Variants in GABRB1 observed in about 807,000 individuals in gnomAD.
GABRB1 encodes the protein gamma-aminobutyric acid type A receptor subunit beta1, also known as gamma-aminobutyric acid receptor subunit beta-1.
Under a neutral mutation model 51.6 loss-of-function variants are expected in GABRB1, and 17 were observed. That is an observed-to-expected ratio of 0.33 (90% CI 0.23 to 0.49). The LOEUF is 0.49. GABRB1 is among the 20% of genes least tolerant of loss of function. GABRB1 has a pLI of 0.99. For missense variants in GABRB1, 410 were observed against 600.6 expected (o/e 0.68, Z 3.32); for synonymous variants, 247 against 218.9 (o/e 1.13, Z -1.14).
At chr4:47,196,775 G>C (rs1468772278) in intron 4 of GABRB1, among the ~76,000 whole-genome samples, 1 of 152,226 alleles carries the variant, frequency 6.6e-6, no homozygotes, top group Non-Finnish European at 1.5e-5. Flanking sequence ...AAAAATTCAA[G>C]TGTTTTCTAT....
At chr4:47,287,324 T>C (rs1445728785) in intron 4 of GABRB1, among the ~76,000 whole-genome samples, 1 of 152,230 alleles carries the variant, frequency 6.6e-6, no homozygotes, top group African/African-American at 2.4e-5. Context: ...TTCTGTTCTA[T>C]GGTGCTATGG....
chr4:47,328,857 T>C (rs558349636), intron 5 of GABRB1, among the ~76,000 whole-genome samples: 1 of 151,538 alleles, frequency 6.6e-6, no homozygotes, highest in Non-Finnish European at 1.5e-5. Context: ...ACATGGCACA[T>C]GTATACATAT....
chr4:47,319,278 A>G (rs1480852406), intron 4 of GABRB1, among the ~76,000 whole-genome samples: 6 of 152,094 alleles, frequency 3.9e-5, no homozygotes, highest in Non-Finnish European at 8.8e-5. Context: ...ACACACACTG[A>G]TATATTTACA....
intron 3 of GABRB1, among the ~76,000 whole-genome samples, chr4:47,150,136 A>T (rs1046176766): frequency 1.3e-5 from 2 of 151,886 alleles, no homozygotes; most frequent in African/African-American, 4.8e-5. Context: ...CAAAGAAAAA[A>T]AATGTAATTT....
intron 1 of GABRB1, among the ~76,000 whole-genome samples, chr4:47,012,028 A>G (rs1724597418): frequency 6.6e-6 from 1 of 152,206 alleles, no homozygotes; most frequent in South Asian, 2.1e-4. Flanking sequence ...TACAGATACA[A>G]TTAAAGCTTC....
At chr4:47,406,556 T>C in intron 7 of GABRB1, 126 bp from the exon 8 acceptor site, 1 of 1,163,730 alleles carries the variant, frequency 8.6e-7, no homozygotes, top group Non-Finnish European at 1.2e-6. Context: ...CCCAATGGTT[T>C]ATCATGCTAC....
intron 4 of GABRB1, among the ~76,000 whole-genome samples, chr4:47,190,040 T>G (rs967407377): frequency 2.0e-5 from 3 of 152,068 alleles, no homozygotes; most frequent in African/African-American, 7.2e-5. Context: ...CAAGCAATCT[T>G]GGTCTTGTTC....
At chr4:47,390,282 T>C (rs954871757) in intron 5 of GABRB1, among the ~76,000 whole-genome samples, 3 of 152,200 alleles carry the variant, frequency 2.0e-5, no homozygotes, top group African/African-American at 7.2e-5. Context: ...ACCATGAAAT[T>C]TGAGATTGGG....
intron 4 of GABRB1, among the ~76,000 whole-genome samples, chr4:47,258,586 G>C (rs768321054): frequency 1.3e-5 from 2 of 152,082 alleles, no homozygotes; most frequent in Admixed American, 6.6e-5. Context: ...ATTGTAAAGT[G>C]ACCACAAATA....
At chr4:47,184,823 T>C (rs1227552252) in intron 4 of GABRB1, among the ~76,000 whole-genome samples, 1 of 151,880 alleles carries the variant, frequency 6.6e-6, no homozygotes, top group Non-Finnish European at 1.5e-5. Flanking sequence ...GAGTCCACAT[T>C]CAAGGAGGGG....
intron 4 of GABRB1, among the ~76,000 whole-genome samples, chr4:47,275,985 C>A (rs1473711109): frequency 1.3e-5 from 2 of 152,066 alleles, no homozygotes; most frequent in Non-Finnish European, 2.9e-5. Flanking sequence ...AAACTGATTA[C>A]CATATGCATG....
chr4:47,400,840 T>G, intron 5 of GABRB1, among the ~76,000 whole-genome samples: 1 of 152,098 alleles, frequency 6.6e-6, no homozygotes, highest in East Asian at 1.9e-4. Flanking sequence ...TTTCTGTTCC[T>G]GAGTTACTTC....
chr4:47,199,453 C>A (rs1364271058), intron 4 of GABRB1, among the ~76,000 whole-genome samples: 2 of 152,072 alleles, frequency 1.3e-5, no homozygotes, highest in Non-Finnish European at 2.9e-5. Context: ...CAGGAAAAAT[C>A]CCTGTGTAGG....
intron 5 of GABRB1, among the ~76,000 whole-genome samples, chr4:47,346,026 T>A (rs1277263903): frequency 3.4e-5 from 5 of 145,902 alleles, no homozygotes; most frequent in Non-Finnish European, 7.5e-5. Context: ...TTCTGTGGTA[T>A]AAAGATATTG....
intron 8 of GABRB1, among the ~76,000 whole-genome samples, chr4:47,409,442 C>T (rs891319224): frequency 6.6e-6 from 1 of 152,144 alleles, no homozygotes; most frequent in African/African-American, 2.4e-5. Context: ...CATCCCGCGG[C>T]CATCTCTCCG....
chr4:47,314,465 T>G (rs897528117), intron 4 of GABRB1, among the ~76,000 whole-genome samples: 37 of 152,024 alleles, frequency 2.4e-4, no homozygotes, highest in African/African-American at 8.4e-4. Context: ...CCTGATTTAA[T>G]AATGGAGTGG....
intron 5 of GABRB1, among the ~76,000 whole-genome samples, chr4:47,379,510 G>C (rs1727520941): frequency 6.6e-6 from 1 of 152,138 alleles, no homozygotes; most frequent in Non-Finnish European, 1.5e-5. Flanking sequence ...AAGCTATGCT[G>C]TTTGGTAGGT....
At chr4:47,107,580 T>C (rs559431316) in intron 3 of GABRB1, among the ~76,000 whole-genome samples, 21 of 152,274 alleles carry the variant, frequency 1.4e-4, no homozygotes, top group African/African-American at 5.1e-4. Flanking sequence ...TCTGTGCCTC[T>C]GTTTATTCAT....
intron 4 of GABRB1, among the ~76,000 whole-genome samples, chr4:47,268,540 TA>T (rs1472986696): frequency 6.6e-6 from 1 of 152,166 alleles, no homozygotes. Flanking sequence ...TTGTAGAAGG[TA>T]AGAGTATCAT....
Sources: allele counts gnomAD v4.1 joint callset (sites outside exome capture counted in the v4.1 genomes callset), GRCh38; gene constraint gnomAD v4.1.1; transcripts MANE v1.5; gene names NCBI Gene and HGNC (gene_info 2026-07-23, HGNC 2026-07-21).